GRIP1: variants seen among roughly 807,000 people sequenced by gnomAD.
The protein encoded by GRIP1 is glutamate receptor interacting protein 1, also known as glutamate receptor-interacting protein 1.
Under a neutral mutation model 129.9 loss-of-function variants are expected in GRIP1, and 45 were observed. The observed-to-expected ratio is 0.35, with a 90% confidence interval of 0.27 to 0.44. The LOEUF (loss-of-function observed/expected upper bound fraction) is 0.44, where lower values mean the gene tolerates loss of function less well. Ranked by LOEUF, GRIP1 falls within the 20% of genes least tolerant of loss-of-function variation. GRIP1 has a pLI of 1.00. For synonymous variants in GRIP1, 530 were observed against 520.8 expected (o/e 1.02, Z -0.24); for missense variants, 1,196 against 1,396.8 (o/e 0.86, Z 2.29).
intron 1 of GRIP1, among the ~76,000 whole-genome samples, chr12:67,051,647 A>G (rs1035783224): frequency 1.3e-5 from 2 of 152,210 alleles, no homozygotes; most frequent in Non-Finnish European, 2.9e-5. Context: ...CATGAGTGGA[A>G]TGGAAGCCAG....
rs555991889 is a variant in GRIP1, at chr12:66,833,012, G to A, written c.58+236038C>T. 3.9e-5 allele frequency among the ~76,000 whole-genome samples: 6 copies of A among 152,302 alleles called. No individual in the cohort carries two copies. The South Asian group carries it at 1.0e-3, about 26-fold the overall frequency. On this transcript the variant is annotated intron_variant, in intron 1 of 1. Coordinates refer to the GRIP1 transcript ENST00000643019. Reference sequence around the variant, plus strand: ...CCTCCTGGTGGCTCTTTGGCTTACAGAGACTCAGTGATGGAACCTACCAAC... The same window carrying A: ...CCTCCTGGTGGCTCTTTGGCTTACAAAGACTCAGTGATGGAACCTACCAAC...
chr12:66,772,468 A>T (rs1460329934), intron 1 of GRIP1, among the ~76,000 whole-genome samples: 1 of 152,210 alleles, frequency 6.6e-6, no homozygotes, highest in African/African-American at 2.4e-5. Context: ...CTGATTGAGA[A>T]CATCAATCCT....
At chr12:66,724,672 A>G (rs983180235) in intron 1 of GRIP1, among the ~76,000 whole-genome samples, 1 of 152,100 alleles carries the variant, frequency 6.6e-6, no homozygotes, top group African/African-American at 2.4e-5. Flanking sequence ...TCCTTTAGAA[A>G]TTACTCCATG....
At chr12:66,735,150 G>C (rs544361220) in intron 1 of GRIP1, among the ~76,000 whole-genome samples, 1 of 152,222 alleles carries the variant, frequency 6.6e-6, no homozygotes, top group Non-Finnish European at 1.5e-5. Context: ...TGGAGTCCCT[G>C]TTGTTCTTCT....
chr12:66,660,941 T>C (rs1357685454), intron 1 of GRIP1, among the ~76,000 whole-genome samples: 1 of 152,068 alleles, frequency 6.6e-6, no homozygotes, highest in Non-Finnish European at 1.5e-5. Flanking sequence ...TATACAAATA[T>C]ATATTATACA....
intron 1 of GRIP1, among the ~76,000 whole-genome samples, chr12:66,922,288 G>A (rs1278479839): frequency 1.3e-5 from 2 of 152,168 alleles, no homozygotes; most frequent in Non-Finnish European, 2.9e-5. Flanking sequence ...GCTTGCCCTG[G>A]GGTGGGAGTG....
chr12:66,422,310 G>A (rs934537718), intron 14 of GRIP1, among the ~76,000 whole-genome samples: 20 of 152,180 alleles, frequency 1.3e-4, no homozygotes, highest in African/African-American at 4.8e-4. Context: ...TTCCAGCAAA[G>A]AATGCAAAAC....
intron 2 of GRIP1, among the ~76,000 whole-genome samples, chr12:66,572,521 C>T (rs754808645): frequency 5.3e-5 from 8 of 152,176 alleles, no homozygotes; most frequent in Non-Finnish European, 8.8e-5. Context: ...CATTTTTACA[C>T]AGGTGAAATC....
At chr12:66,798,244 T>G (rs979952940) in intron 1 of GRIP1, among the ~76,000 whole-genome samples, 2 of 152,168 alleles carry the variant, frequency 1.3e-5, no homozygotes, top group African/African-American at 4.8e-5. Flanking sequence ...AGCTCTTCTG[T>G]GTTTGTATAG....
intron 1 of GRIP1, among the ~76,000 whole-genome samples, chr12:66,732,106 AT>A (rs939891080): frequency 6.6e-6 from 1 of 151,344 alleles, no homozygotes; most frequent in South Asian, 2.1e-4. Flanking sequence ...TTATATGTAG[AT>A]TTTTTTTTCA....
rs577854861 is a variant in GRIP1, at chr12:66,965,436, A to G, written c.58+103614T>C. Among the ~76,000 whole-genome samples the G allele has an allele frequency of 2.0e-5, 3 of 152,066 alleles. No homozygotes were observed. In the South Asian group the frequency reaches 6.2e-4, roughly 32 times the overall value. On this transcript the variant is annotated intron_variant, in intron 1 of 1. Transcript: ENST00000643019. ...ACAAAACAAATGTTTTAAACCTTCAATATGGTAGATCTTCAGTCTACACTC... is the reference window on the plus strand; with the variant it reads ...ACAAAACAAATGTTTTAAACCTTCAGTATGGTAGATCTTCAGTCTACACTC...
At chr12:66,559,075 C>A (rs1440934268) in intron 2 of GRIP1, among the ~76,000 whole-genome samples, 1 of 151,758 alleles carries the variant, frequency 6.6e-6, no homozygotes, top group Non-Finnish European at 1.5e-5. Flanking sequence ...AGGACAAAAA[C>A]CACATGATCA....
At chr12:66,718,302 CT>C (rs2035955370) in intron 1 of GRIP1, among the ~76,000 whole-genome samples, 1 of 152,144 alleles carries the variant, frequency 6.6e-6, no homozygotes, top group African/African-American at 2.4e-5. Context: ...GCCTAAAAAC[CT>C]CCTCTAACTC....
At chr12:66,436,974 CAAAAAAAAAA>C (rs71069003) in intron 13 of GRIP1, among the ~76,000 whole-genome samples, 1 of 113,582 alleles carries the variant, frequency 8.8e-6, no homozygotes. Flanking sequence ...ACTCTGTCTC[CAAAAAAAAAA>C]AAAAAAAAAA....
chr12:66,627,051 C>T (rs2030160125), intron 1 of GRIP1, among the ~76,000 whole-genome samples: 1 of 145,424 alleles, frequency 6.9e-6, no homozygotes. Context: ...GGGCCATCAT[C>T]TGCCCTACAA....
At position 66,463,065 on chromosome 12, in the gene GRIP1, T is replaced by C. The variant is rs2059181236; in HGVS notation, c.901A>G (p.Ile301Val). 1.2e-6 allele frequency: 2 copies of C among 1,613,852 alleles called. No homozygotes were observed. Among genetic ancestry groups the C allele is most frequent in the Non-Finnish European group, 1.7e-6 (2 of 1,179,758 alleles). ...ATGCTGGTTCCATCGATGGAGAGGA[T>C]GTGATCTCCCACATGCAATGCGCCA... ...RCGALHVGDH[I>V]LSIDGTSMEY... The change falls in exon 9 of 25, where the codon ATC (isoleucine) becomes GTC (valine). Residue 301 changes from isoleucine (I) to valine (V), a missense_variant. By Grantham distance (29) the Ile-to-Val change is conservative. Coordinates refer to ENST00000359742, the MANE Select transcript of GRIP1 (RefSeq NM_001366722.1).
intron 1 of GRIP1, among the ~76,000 whole-genome samples, chr12:66,623,745 T>C (rs1391956371): frequency 2.6e-5 from 4 of 152,284 alleles, no homozygotes; most frequent in Non-Finnish European, 5.9e-5. Flanking sequence ...AAGTGGACCA[T>C]ATTTATTTTC....
At chr12:66,811,476 T>C (rs1209656256) in intron 1 of GRIP1, among the ~76,000 whole-genome samples, 1 of 150,760 alleles carries the variant, frequency 6.6e-6, no homozygotes, top group Non-Finnish European at 1.5e-5. Context: ...CTAATTATAG[T>C]GTCTTTTAAG....
At chr12:66,826,484 C>T (rs1472652450) in intron 1 of GRIP1, among the ~76,000 whole-genome samples, 2 of 151,824 alleles carry the variant, frequency 1.3e-5, no homozygotes, top group Non-Finnish European at 1.5e-5. Flanking sequence ...TCTTCAACTA[C>T]TACTCAGAGT....
Sources: allele counts gnomAD v4.1 joint callset (sites outside exome capture counted in the v4.1 genomes callset), GRCh38; gene constraint gnomAD v4.1.1; transcripts MANE v1.5; gene names NCBI Gene and HGNC (gene_info 2026-07-23, HGNC 2026-07-21).